PSD2: variants seen among roughly 807,000 people sequenced by gnomAD.
PSD2 encodes pleckstrin and Sec7 domain containing 2.
In PSD2, 38 loss-of-function variants were observed where a neutral mutation model predicts 69.8. The ratio of observed to expected loss-of-function variants is 0.54; its 90% CI spans 0.42 to 0.71. The LOEUF (loss-of-function observed/expected upper bound fraction) is 0.71, where lower values mean the gene tolerates loss of function less well. Ranked by LOEUF, PSD2 falls within the 30% of genes least tolerant of loss-of-function variation. The pLI is 0.00. For missense variants in PSD2, 943 were observed against 1,014.5 expected, an observed-to-expected ratio of 0.93 and a Z score of 0.96; for synonymous variants, 412 against 423.0, an observed-to-expected ratio of 0.97 and a Z score of 0.32.
At chr5:139,840,415 A>C (rs1343944645) in intron 14 of PSD2, among the ~76,000 whole-genome samples, 2 of 151,998 alleles carry the variant, frequency 1.3e-5, no homozygotes, top group Non-Finnish European at 2.9e-5. Context: ...CTTCCTCTTA[A>C]ATGTTTGTGC....
intron 7 of PSD2, among the ~76,000 whole-genome samples, chr5:139,824,607 C>T (rs1345746392): frequency 6.6e-6 from 1 of 152,086 alleles, no homozygotes; most frequent in Admixed American, 6.5e-5. Flanking sequence ...TTACGTGGTA[C>T]TGCTCAGAGA....
chr5:139,793,038 C>G (rs1561587903), upstream of PSD2, among the ~76,000 whole-genome samples: 1 of 152,004 alleles, frequency 6.6e-6, no homozygotes. Flanking sequence ...ACCTCTGCAT[C>G]CTGGGTTCCA....
intron 1 of PSD2, among the ~76,000 whole-genome samples, chr5:139,804,845 G>A (rs1035043594): frequency 6.6e-6 from 1 of 152,120 alleles, no homozygotes; most frequent in Non-Finnish European, 1.5e-5. Flanking sequence ...ATGAGCGGCT[G>A]CCCAGTTCCC....
At chr5:139,792,859 TTTCCTTCCTTCCTTCCTTCC>T (rs141834556), upstream of PSD2, among the ~76,000 whole-genome samples, 160 of 107,890 alleles carry the variant, frequency 1.5e-3, 1 homozygote, top group African/African-American at 2.1e-3. Context: ...TCTTTCTGTC[TTTCCTTCCTTCCTTCCTTCC>T]TTCCTTCCTT....
rs1447772137 is a variant in PSD2, at chr5:139,813,689, G to A, written c.752G>A (p.Gly251Asp). 6.2e-7 allele frequency: 1 copy of A among 1,613,708 alleles called. No individual in the cohort carries two copies. The highest frequency in any genetic ancestry group is 1.1e-5 in the South Asian group (1 of 90,988). ...ATGCCCAATGGATTCCATGAAGATG[G>A]CCCTCAGGGCCCAGGGGGGGATGAG... The part of the protein sequence containing the change: ...MAMPNGFHED[G>D]PQGPGGDEDD... The change falls in exon 3 of 15, where the codon GGC (glycine) becomes GAC (aspartate). Residue 251 changes from glycine to aspartate, a missense_variant. This residue lies in a region of PSD2 where 466 missense variants were observed against 445.0 expected (regional missense o/e 1.05). Coordinates refer to ENST00000274710, the MANE Select transcript of PSD2 (RefSeq NM_032289.4).
At chr5:139,745,680 G>A in the PSD2 span, among the ~76,000 whole-genome samples, 1 of 152,212 alleles carries the variant, frequency 6.6e-6, no homozygotes, top group Non-Finnish European at 1.5e-5. Context: ...GAGCTGCTGC[G>A]GGTTGCCCAG....
intron 1 of PSD2, among the ~76,000 whole-genome samples, chr5:139,803,330 G>A (rs1759719558): frequency 6.6e-6 from 1 of 152,234 alleles, no homozygotes. Flanking sequence ...TATCCAATGG[G>A]TGCTGGCTGA....
chr5:139,748,552 C>T, the PSD2 span, among the ~76,000 whole-genome samples: 1 of 152,212 alleles, frequency 6.6e-6, no homozygotes, highest in Non-Finnish European at 1.5e-5. Context: ...CACACGAGCC[C>T]CCAAACTCCC....
the PSD2 span, among the ~76,000 whole-genome samples, chr5:139,754,655 C>T: frequency 6.6e-6 from 1 of 151,606 alleles, no homozygotes; most frequent in African/African-American, 2.4e-5. Flanking sequence ...TGAGATCACA[C>T]CACTGCACTC....
chr5:139,760,529 G>A, the PSD2 span, among the ~76,000 whole-genome samples: 4 of 152,168 alleles, frequency 2.6e-5, no homozygotes, highest in Non-Finnish European at 4.4e-5. Flanking sequence ...CTCAGCCCCT[G>A]GGTTGTGCCG....
chr5:139,743,146 T>A, the PSD2 span, among the ~76,000 whole-genome samples: 1 of 152,176 alleles, frequency 6.6e-6, no homozygotes, highest in African/African-American at 2.4e-5. Flanking sequence ...TGCGAGCCCC[T>A]GTGGGCAAGA....
At chr5:139,823,927 A>G (rs1304810536) in intron 7 of PSD2, among the ~76,000 whole-genome samples, 2 of 152,210 alleles carry the variant, frequency 1.3e-5, no homozygotes, top group African/African-American at 4.8e-5. Flanking sequence ...GGAGGGCTAG[A>G]GCCTCAGTGC....
Position 139,817,119 on chromosome 5 carries a change from G to A in PSD2, c.1017-362G>A, listed in dbSNP as rs186386221. ...AAGTCCTGGTCCTTCCCCTGGTCCCGGCCTCATCACTTGCTGCCCCATTCT... is the reference window on the plus strand; with the variant it reads ...AAGTCCTGGTCCTTCCCCTGGTCCCAGCCTCATCACTTGCTGCCCCATTCT... On this transcript the variant is annotated intron_variant, in intron 4 of 14. Coordinates refer to ENST00000274710, the MANE Select transcript of PSD2 (RefSeq NM_032289.4). 5.8e-3 allele frequency among the ~76,000 whole-genome samples: 882 copies of A among 152,268 alleles called. 4 individuals are homozygous for A. The highest frequency in any genetic ancestry group is 0.011 in the Non-Finnish European group (728 of 68,020).
At chr5:139,783,963 T>TTTTTTTTTTTG in the PSD2 span, among the ~76,000 whole-genome samples, 1 of 131,856 alleles carries the variant, frequency 7.6e-6, no homozygotes, top group Non-Finnish European at 1.6e-5. Flanking sequence ...TTTTTTTTTT[T>TTTTTTTTTTTG]AGACAGGGTC....
the PSD2 span, among the ~76,000 whole-genome samples, chr5:139,768,649 G>A: frequency 6.6e-6 from 1 of 151,900 alleles, no homozygotes; most frequent in South Asian, 2.1e-4. Context: ...CTTGAACCTG[G>A]GAGGCAGAGG....
the PSD2 span, among the ~76,000 whole-genome samples, chr5:139,763,567 C>T: frequency 2.6e-5 from 4 of 152,316 alleles, no homozygotes; most frequent in South Asian, 8.3e-4. Context: ...TCCAGCTTCA[C>T]CTGCCCTGGG....
the PSD2 span, among the ~76,000 whole-genome samples, chr5:139,742,882 G>C: frequency 3.3e-5 from 5 of 152,218 alleles, no homozygotes; most frequent in Admixed American, 3.3e-4. Context: ...GGAGTGGGAG[G>C]GGGTCAGCTC....
intron 6 of PSD2, 69 bp downstream of exon 6, chr5:139,822,074 C>A: frequency 2.1e-6 from 2 of 966,216 alleles, no homozygotes; most frequent in Non-Finnish European, 3.2e-6. Flanking sequence ...CCCTCCCATC[C>A]TGGTCCACCT....
intron 9 of PSD2, 49 bp downstream of exon 9, chr5:139,835,815 G>C (rs747597525): frequency 8.3e-6 from 13 of 1,562,872 alleles, no homozygotes; most frequent in East Asian, 4.5e-5. Context: ...ATCCCTGGGT[G>C]GGGGAGTGTG....
Sources: allele counts gnomAD v4.1 joint callset (sites outside exome capture counted in the v4.1 genomes callset), GRCh38; gene constraint gnomAD v4.1.1; regional missense constraint gnomAD v4.1.1; transcripts MANE v1.5; gene names NCBI Gene and HGNC (gene_info 2026-07-23, HGNC 2026-07-21).